The following ATP9B variants were observed in gnomAD, a reference collection of about 807,000 sequenced individuals.
ATP9B encodes the protein probable phospholipid-transporting ATPase IIB.
Under a neutral mutation model 146.1 loss-of-function variants are expected in ATP9B, and 110 were observed. The observed-to-expected ratio is 0.75, with a 90% CI of 0.65 to 0.88. ATP9B has a LOEUF of 0.88. ATP9B is among the 40% of genes least tolerant of loss of function. The probability of loss-of-function intolerance (pLI) is 0.00; values close to 1 mark genes in which losing one functional copy is unlikely to be tolerated. For synonymous variants in ATP9B, 604 were observed against 569.7 expected, an observed-to-expected ratio of 1.06 and a Z score of -0.86; for missense variants, 1,499 against 1,496.4, an observed-to-expected ratio of 1.00 and a Z score of -0.03.
chr18:79,083,347 G>C (rs1345759934), intron 1 of ATP9B, among the ~76,000 whole-genome samples: 1 of 152,214 alleles, frequency 6.6e-6, no homozygotes, highest in East Asian at 1.9e-4. Flanking sequence ...TGGGCTCCGT[G>C]GGGGTGGGAT....
intron 1 of ATP9B, 87 bp downstream of exon 1, chr18:79,069,616 G>C (rs967170936): frequency 2.0e-5 from 18 of 885,884 alleles, no homozygotes; most frequent in African/African-American, 7.2e-5. Context: ...GGGCGGGTCT[G>C]GGGTCGCTAC....
intron 19 of ATP9B, among the ~76,000 whole-genome samples, chr18:79,337,888 C>G (rs2096836461): frequency 2.0e-5 from 3 of 152,344 alleles, no homozygotes; most frequent in South Asian, 4.1e-4. Flanking sequence ...TGTCACAACC[C>G]TGCACCTGGC....
At chr18:79,094,503 C>T (rs569981320) in intron 1 of ATP9B, among the ~76,000 whole-genome samples, 14 of 152,316 alleles carry the variant, frequency 9.2e-5, no homozygotes, top group Non-Finnish European at 1.5e-4. Context: ...GGGACGTCCA[C>T]ATCCTGTTTG....
At chr18:79,345,743 T>G in intron 22 of ATP9B, 32 bp from the exon 23 acceptor site, 1 of 1,613,980 alleles carries the variant, frequency 6.2e-7, no homozygotes, top group Admixed American at 1.7e-5. Context: ...ATGGATAAGG[T>G]TTTATTTCAT....
chr18:79,266,277 G>T (rs1398733089), intron 12 of ATP9B, among the ~76,000 whole-genome samples: 1 of 151,850 alleles, frequency 6.6e-6, no homozygotes, highest in Non-Finnish European at 1.5e-5. Context: ...CTCTCTTTTT[G>T]CTGATGTAAA....
intron 10 of ATP9B, among the ~76,000 whole-genome samples, chr18:79,211,265 G>A (rs2095581687): frequency 6.6e-6 from 1 of 152,160 alleles, no homozygotes; most frequent in African/African-American, 2.4e-5. Flanking sequence ...GAAGTTGTTT[G>A]CTTAAAATAC....
chr18:79,184,984 A>G (rs1254242576), intron 8 of ATP9B, among the ~76,000 whole-genome samples: 1 of 42,438 alleles, frequency 2.4e-5, no homozygotes, highest in Admixed American at 1.7e-4. Context: ...ATTTGTCTGA[A>G]AAAAAAAAAC....
At chr18:79,178,727 A>T (rs573308528) in intron 8 of ATP9B, among the ~76,000 whole-genome samples, 1 of 152,096 alleles carries the variant, frequency 6.6e-6, no homozygotes, top group Non-Finnish European at 1.5e-5. Flanking sequence ...CCTAGTAGTC[A>T]TACTGCATGT....
rs1280692560 is a variant in ATP9B at position 79,303,362 on chromosome 18, C to CA, written c.1412-233dup. Among the ~76,000 whole-genome samples, 57 of 147,464 alleles carry CA rather than the reference C, an allele frequency of 3.9e-4. No individual in the cohort carries two copies. In the East Asian group the frequency reaches 5.1e-3, roughly 13 times the overall value. On this transcript the variant is annotated intron_variant, in intron 13 of 29. Coordinates refer to ENST00000426216, the MANE Select transcript of ATP9B (RefSeq NM_198531.5). Reference sequence around the variant, plus strand: ...GGGCAACAGAGTGAGACCCAGTCTCCAAAAAAAAACACACAAAAATGTTAT... The same window carrying CA: ...GGGCAACAGAGTGAGACCCAGTCTCCAAAAAAAAAACACACAAAAATGTTAT...
chr18:79,348,251 A>G (rs932302944), intron 25 of ATP9B, 55 bp downstream of exon 25: 147 of 130,768 alleles, frequency 1.1e-3, no homozygotes, highest in African/African-American at 4.2e-3. Flanking sequence ...CTATTTTGAA[A>G]AAAAAAAAAA....
chr18:79,302,335 A>C (rs1401179887), intron 13 of ATP9B, among the ~76,000 whole-genome samples: 1 of 143,724 alleles, frequency 7.0e-6, no homozygotes, highest in Non-Finnish European at 1.5e-5. Context: ...AAGTGCACAC[A>C]CCCCCCGGGG....
chr18:79,327,730 G>A (rs1347740691), intron 15 of ATP9B, among the ~76,000 whole-genome samples: 12 of 134,820 alleles, frequency 8.9e-5, no homozygotes, highest in Non-Finnish European at 1.2e-4. Context: ...CGTGCTCGCC[G>A]TGGTTAGCGT....
At chr18:79,160,293 A>G (rs1355003063) in intron 7 of ATP9B, among the ~76,000 whole-genome samples, 3 of 152,150 alleles carry the variant, frequency 2.0e-5, no homozygotes, top group Non-Finnish European at 4.4e-5. Context: ...AAGTCCGGTT[A>G]TTTTCCAGAG....
rs189593923 is a variant in ATP9B at position 79,204,523 on chromosome 18, T to G, written c.955-2414T>G. Among the ~76,000 whole-genome samples the G allele has an allele frequency of 3.9e-5, 6 of 152,318 alleles. No individual in the cohort carries two copies. The East Asian group carries it at 1.2e-3, about 29-fold the overall frequency. ...CAGGTTTTCCACTTAAAAATATATA[T>G]CCTTAGTATTTTGCATATGAATACA... On this transcript the variant is annotated intron_variant, in intron 9 of 29. Coordinates refer to ENST00000426216, the MANE Select transcript of ATP9B (RefSeq NM_198531.5).
intron 13 of ATP9B, among the ~76,000 whole-genome samples, chr18:79,299,744 T>C (rs1450072422): frequency 6.6e-6 from 1 of 152,246 alleles, no homozygotes; most frequent in Non-Finnish European, 1.5e-5. Context: ...TATGAAGTTT[T>C]GCAGCCTGCA....
chr18:79,224,384 C>CTGGAA (rs1353249332), intron 11 of ATP9B, among the ~76,000 whole-genome samples: 1 of 152,148 alleles, frequency 6.6e-6, no homozygotes, highest in East Asian at 1.9e-4. Flanking sequence ...TGGGAAAGTG[C>CTGGAA]TGGAACCTCT....
intron 19 of ATP9B, among the ~76,000 whole-genome samples, chr18:79,339,778 C>T (rs2096848861): frequency 6.6e-6 from 1 of 151,182 alleles, no homozygotes; most frequent in Admixed American, 6.6e-5. Context: ...TCTGAGATCG[C>T]AGTAGGAAGT....
intron 8 of ATP9B, among the ~76,000 whole-genome samples, chr18:79,178,146 G>A (rs548233356): frequency 1.1e-4 from 17 of 152,208 alleles, no homozygotes; most frequent in African/African-American, 4.1e-4. Flanking sequence ...CTGAGGATGG[G>A]GCTGGGGTGT....
intron 6 of ATP9B, 91 bp from the exon 7 acceptor site, chr18:79,154,410 AGTT>A (rs2147629883): frequency 1.2e-6 from 1 of 812,804 alleles, no homozygotes; most frequent in South Asian, 1.8e-5. Context: ...ATATTATCTT[AGTT>A]GTTTTCATAG....
Sources: gnomAD v4.1 joint callset for allele counts (sites outside exome capture counted in the v4.1 genomes callset) on GRCh38, gnomAD v4.1.1 for gene constraint, MANE v1.5 for transcripts, NCBI Gene and HGNC (gene_info 2026-07-23, HGNC 2026-07-21) for gene names.